The following KIAA1958 variants were observed in gnomAD, a reference collection of about 807,000 sequenced individuals.
KIAA1958 encodes uncharacterized protein KIAA1958.
In KIAA1958, 14 loss-of-function variants were observed where a neutral mutation model predicts 47.2. The observed-to-expected ratio is 0.30, with a 90% CI of 0.20 to 0.46. The LOEUF is 0.46. KIAA1958 is among the 20% of genes least tolerant of loss of function. The pLI is 1.00. For synonymous variants in KIAA1958, 354 were observed against 353.3 expected, an observed-to-expected ratio of 1.00 and a Z score of -0.02; for missense variants, 803 against 909.2, an observed-to-expected ratio of 0.88 and a Z score of 1.50.
chr9:112,623,168 GTGTTCATGTA>G (rs887810215), intron 2 of KIAA1958, among the ~76,000 whole-genome samples: 1 of 152,198 alleles, frequency 6.6e-6, no homozygotes, highest in Non-Finnish European at 1.5e-5. Context: ...ACCATCCACT[GTGTTCATGTA>G]GGTGCACATA....
intron 1 of KIAA1958, among the ~76,000 whole-genome samples, chr9:112,518,057 A>G (rs920824780): frequency 6.6e-6 from 1 of 152,192 alleles, no homozygotes; most frequent in African/African-American, 2.4e-5. Context: ...TGTTTGCCCA[A>G]TAGAAAGGAA....
chr9:112,537,988 T>G (rs1186136720), intron 1 of KIAA1958, among the ~76,000 whole-genome samples: 1 of 152,096 alleles, frequency 6.6e-6, no homozygotes, highest in African/African-American at 2.4e-5. Flanking sequence ...AATAAGATCA[T>G]TGTATCAATT....
intron 1 of KIAA1958, among the ~76,000 whole-genome samples, chr9:112,552,806 G>A (rs1057021603): frequency 6.6e-6 from 1 of 152,150 alleles, no homozygotes; most frequent in Admixed American, 6.5e-5. Context: ...ACAACTCTTA[G>A]CTCCAAGTTG....
In KIAA1958 at chr9:112,659,856, G is replaced by A. The variant is rs1837242624; in HGVS notation, c.1938G>A (p.Met646Ile). Reference protein sequence around the residue: ...YMYIHRPPTQMEAKSPFYLTA... With the variant: ...YMYIHRPPTQIEAKSPFYLTA... ...ACATCCACCGGCCGCCCACCCAAATGGAGGCCAAGTCCCCCTTCTACCTGA... is the reference window on the plus strand; with the variant it reads ...ACATCCACCGGCCGCCCACCCAAATAGAGGCCAAGTCCCCCTTCTACCTGA... Residue 646 changes from methionine (M) to isoleucine (I), a missense_variant, in exon 4 of 4, where the codon ATG (methionine) becomes ATA (isoleucine). Met to Ile is a conservative substitution (Grantham distance 10). Coordinates refer to ENST00000337530, the MANE Select transcript of KIAA1958 (RefSeq NM_133465.4). The A allele has an allele frequency of 1.9e-6, 3 of 1,613,986 alleles. No individual in the cohort carries two copies. Among genetic ancestry groups the A allele is most frequent in the Non-Finnish European group, 2.5e-6 (3 of 1,180,000 alleles).
intron 3 of KIAA1958, among the ~76,000 whole-genome samples, chr9:112,653,832 G>A (rs1238470189): frequency 1.3e-5 from 2 of 152,122 alleles, no homozygotes; most frequent in African/African-American, 4.8e-5. Context: ...CCCGGGAGGT[G>A]GATGCTGCAG....
chr9:112,640,804 C>A (rs1588050899), intron 2 of KIAA1958, among the ~76,000 whole-genome samples: 1 of 152,164 alleles, frequency 6.6e-6, no homozygotes, highest in African/African-American at 2.4e-5. Flanking sequence ...ATACCAGCGA[C>A]TTCATCATAG....
At chr9:112,487,182 C>A in intron 1 of KIAA1958, 64 bp downstream of exon 1, 1 of 189,346 alleles carries the variant, frequency 5.3e-6, no homozygotes, top group Non-Finnish European at 1.1e-5. Flanking sequence ...AGGCGGGGAG[C>A]CCCTTTGTGT....
intron 2 of KIAA1958, among the ~76,000 whole-genome samples, chr9:112,626,742 T>C (rs1243445636): frequency 3.9e-5 from 6 of 152,076 alleles, no homozygotes; most frequent in Non-Finnish European, 8.8e-5. Flanking sequence ...TGAACTTTTA[T>C]ATCTATAACC....
At position 112,666,947 on chromosome 9, in the gene KIAA1958, G is replaced by A. The variant is rs1837358995; in HGVS notation, c.*6878G>A. 6.6e-6 allele frequency: 1 copy of A among 152,210 alleles called. No individual in the cohort carries two copies. The highest frequency in any genetic ancestry group is 2.4e-5 in the African/African-American group (1 of 41,448). The allele number at this position is 152,210 out of a possible 1,614,324, so 9.4% of individuals were successfully genotyped here. On this transcript the variant is annotated 3_prime_UTR_variant, in exon 4 of 4. Coordinates refer to ENST00000337530, the MANE Select transcript of KIAA1958 (RefSeq NM_133465.4). ...TAAAACAGGAGCAGAAAGCAGAGAA[G>A]GACTATTAGACCTATGGTGGCATCC...
In KIAA1958 at chr9:112,664,090, A is replaced by G. The variant is rs1454825321; in HGVS notation, c.*4021A>G. 2 of 152,260 alleles carry G rather than the reference A, an allele frequency of 1.3e-5. No homozygotes were observed. The highest frequency in any genetic ancestry group is 1.9e-4 in the East Asian group (1 of 5,200). The allele number at this position is 152,260 out of a possible 1,614,324, so 9.4% of individuals were successfully genotyped here. A position where few individuals can be genotyped will look rare whatever the true frequency, so the allele number is the denominator to read the frequency against. On this transcript the variant is annotated 3_prime_UTR_variant, in exon 4 of 4. Transcript: ENST00000337530. ...CGGTGAACCGTGTTACACTTCTGCA[A>G]TTCCTCAAGTTCATATTAATTAGGA...
At chr9:112,516,457 A>T (rs974381345) in intron 1 of KIAA1958, among the ~76,000 whole-genome samples, 3 of 152,250 alleles carry the variant, frequency 2.0e-5, no homozygotes, top group South Asian at 2.1e-4. Context: ...TAAATTTAAA[A>T]GGCTTAAATA....
At chr9:112,638,256 G>A (rs1379289929) in intron 2 of KIAA1958, among the ~76,000 whole-genome samples, 1 of 152,118 alleles carries the variant, frequency 6.6e-6, no homozygotes, top group Non-Finnish European at 1.5e-5. Context: ...TATAATGTCA[G>A]GATTTTGGTA....
intron 2 of KIAA1958, among the ~76,000 whole-genome samples, chr9:112,606,093 G>A (rs987880020): frequency 3.2e-4 from 48 of 152,144 alleles, no homozygotes; most frequent in African/African-American, 1.1e-3. Context: ...AATGAATGAG[G>A]TAGCTCGGCA....
rs76652360 is a variant in KIAA1958 at position 112,640,324 on chromosome 9, A to G, written c.1172-5326A>G. Among the ~76,000 whole-genome samples the G allele has an allele frequency of 1.8e-4, 27 of 152,274 alleles. No homozygotes were observed. In the East Asian group the frequency reaches 5.2e-3, roughly 29 times the overall value. ...GTCCAAGGCATCTCTCCTCTTTGGA[A>G]GGCCCCCACCTGAATTACTATTTTT... On this transcript the variant is annotated intron_variant, in intron 2 of 3. Coordinates refer to ENST00000337530, the MANE Select transcript of KIAA1958 (RefSeq NM_133465.4).
At position 112,575,262 on chromosome 9, in the gene KIAA1958, T is replaced by G; in HGVS notation, c.1171+11T>G. The stretch of plus-strand genomic sequence containing the variant: ...CACAGTGCATACCAGGTATGGCACA[T>G]GAGGCGACAGTGAGTCCCTCATCCA... On this transcript the variant is annotated intron_variant, in intron 2 of 3. Transcript: ENST00000337530. 6.7e-7 allele frequency: 1 copy of G among 1,501,630 alleles called. No individual in the cohort carries two copies. Among genetic ancestry groups the G allele is most frequent in the Non-Finnish European group, 8.9e-7 (1 of 1,128,836 alleles). 93.0% of individuals were successfully genotyped at this position (1,501,630 alleles called of 1,614,324 possible).
intron 1 of KIAA1958, among the ~76,000 whole-genome samples, chr9:112,566,919 A>G (rs1246599803): frequency 1.3e-5 from 2 of 152,210 alleles, no homozygotes; most frequent in South Asian, 2.1e-4. Flanking sequence ...TTTAAATTAC[A>G]TGGCAGTACA....
intron 1 of KIAA1958, among the ~76,000 whole-genome samples, chr9:112,500,412 T>C (rs1231496484): frequency 6.6e-6 from 1 of 152,130 alleles, no homozygotes; most frequent in African/African-American, 2.4e-5. Flanking sequence ...CAAATTAGTT[T>C]TGGTGTCAAA....
intron 1 of KIAA1958, among the ~76,000 whole-genome samples, chr9:112,564,214 A>G (rs1835387268): frequency 6.6e-6 from 1 of 152,056 alleles, no homozygotes; most frequent in Non-Finnish European, 1.5e-5. Flanking sequence ...TTTTTGTGTT[A>G]TTTCTTCCTT....
chr9:112,587,989 A>G (rs910973938), intron 2 of KIAA1958, among the ~76,000 whole-genome samples: 1 of 152,242 alleles, frequency 6.6e-6, no homozygotes, highest in Non-Finnish European at 1.5e-5. Context: ...ATTAAGCAGT[A>G]GAAGAAGTTA....
Sources: allele counts gnomAD v4.1 joint callset (sites outside exome capture counted in the v4.1 genomes callset), GRCh38; gene constraint gnomAD v4.1.1; transcripts MANE v1.5; gene names NCBI Gene and HGNC (gene_info 2026-07-23, HGNC 2026-07-21).